Variants in GRIK3 observed in about 807,000 individuals in gnomAD.
GRIK3 encodes glutamate receptor ionotropic, kainate 3.
GRIK3 carries 29 observed loss-of-function variants against 102.5 expected under a neutral mutation model. That is an observed-to-expected ratio of 0.28 (90% CI 0.21 to 0.39). The LOEUF (loss-of-function observed/expected upper bound fraction) is 0.39. GRIK3 is among the 10% of genes least tolerant of loss of function. The pLI is 1.00. For synonymous variants in GRIK3, 511 were observed against 504.9 expected, an observed-to-expected ratio of 1.01 and a Z score of -0.16; for missense variants, 908 against 1,252.4, an observed-to-expected ratio of 0.73 and a Z score of 4.15.
At chr1:36,953,076 T>G (rs1421503020) in intron 1 of GRIK3, among the ~76,000 whole-genome samples, 1 of 152,240 alleles carries the variant, frequency 6.6e-6, no homozygotes, top group African/African-American at 2.4e-5. Flanking sequence ...TGTGCTCAAG[T>G]GCCCTTTACT....
rs570125039 is a variant in GRIK3, at chr1:37,030,833, A to T, written c.115+3161T>A. ...AAAGGGAACTTTGAAACCACAGAACATACCAACCATTAAGGCCAACCAAAT... is the reference window on the plus strand; with the variant it reads ...AAAGGGAACTTTGAAACCACAGAACTTACCAACCATTAAGGCCAACCAAAT... On this transcript the variant is annotated intron_variant, in intron 1 of 15. Transcript: ENST00000373091. Among the ~76,000 whole-genome samples the T allele has an allele frequency of 3.2e-4, 48 of 152,268 alleles. 2 individuals carry two copies. The South Asian group carries it at 9.8e-3, about 31-fold the overall frequency.
At chr1:36,900,742 T>C (rs964103549) in intron 1 of GRIK3, among the ~76,000 whole-genome samples, 4 of 151,856 alleles carry the variant, frequency 2.6e-5, no homozygotes, top group African/African-American at 9.7e-5. Flanking sequence ...GAAATCAATA[T>C]AAAAATATCA....
intron 1 of GRIK3, among the ~76,000 whole-genome samples, chr1:36,903,193 A>G (rs532609384): frequency 6.6e-6 from 1 of 152,360 alleles, no homozygotes; most frequent in East Asian, 1.9e-4. Context: ...CAGAATATAT[A>G]CAGATGGAAA....
intron 1 of GRIK3, among the ~76,000 whole-genome samples, chr1:36,928,473 G>A (rs1641553124): frequency 6.6e-6 from 1 of 152,192 alleles, no homozygotes; most frequent in African/African-American, 2.4e-5. Flanking sequence ...GGTGGGGGTG[G>A]AAATTATGAT....
intron 4 of GRIK3, among the ~76,000 whole-genome samples, chr1:36,870,372 C>T (rs561024853): frequency 8.5e-5 from 13 of 152,384 alleles, no homozygotes; most frequent in South Asian, 2.1e-4. Context: ...GAATTCTTAC[C>T]GTCTGCCATC....
intron 1 of GRIK3, among the ~76,000 whole-genome samples, chr1:36,984,532 G>A (rs1440193645): frequency 6.6e-6 from 1 of 152,222 alleles, no homozygotes; most frequent in Non-Finnish European, 1.5e-5. Flanking sequence ...CAGAACTTAT[G>A]AGCTCTGGGC....
At chr1:36,944,367 A>AC (rs58866156) in intron 1 of GRIK3, among the ~76,000 whole-genome samples, 10,645 of 152,232 alleles carry the variant, frequency 0.07, 1,191 homozygotes, top group African/African-American at 0.23. Context: ...TGGCACAGGG[A>AC]ATCCCCTCAG....
At chr1:37,009,074 G>GTAATAATAATAA (rs67140478) in intron 1 of GRIK3, among the ~76,000 whole-genome samples, 20 of 149,170 alleles carry the variant, frequency 1.3e-4, no homozygotes, top group Admixed American at 9.3e-4. Flanking sequence ...AAATGGAGAT[G>GTAATAATAATAA]TAATAATAAT....
At chr1:36,832,150 C>T (rs1464489368) in intron 10 of GRIK3, among the ~76,000 whole-genome samples, 1 of 152,236 alleles carries the variant, frequency 6.6e-6, no homozygotes, top group Non-Finnish European at 1.5e-5. Context: ...ATTTTAGAGG[C>T]ATTGGCCGAT....
intron 1 of GRIK3, among the ~76,000 whole-genome samples, chr1:36,896,420 A>T (rs1318406440): frequency 9.2e-5 from 14 of 152,142 alleles, no homozygotes. Flanking sequence ...CTACTTGTGA[A>T]GCAGTATAAC....
intron 9 of GRIK3, among the ~76,000 whole-genome samples, chr1:36,842,546 C>T (rs1314683845): frequency 2.0e-5 from 3 of 152,212 alleles, no homozygotes; most frequent in Non-Finnish European, 4.4e-5. Context: ...GGATGCCGTT[C>T]TCTCTTTCCA....
In GRIK3 at chr1:36,968,873, T is replaced by C. The variant is rs568321510; in HGVS notation, c.115+65121A>G. Among the ~76,000 whole-genome samples the C allele has an allele frequency of 2.5e-4, 38 of 152,240 alleles. No homozygotes were observed. In the South Asian group the frequency reaches 7.7e-3, roughly 31 times the overall value. On this transcript the variant is annotated intron_variant, in intron 1 of 15. Coordinates refer to ENST00000373091, the MANE Select transcript of GRIK3 (RefSeq NM_000831.4). ...AGCACTCTCTACTGTTGTTTGACAA[T>C]TGACAATTTGAGCAAACAGAATGAC...
chr1:36,975,385 C>G (rs1642185688), intron 1 of GRIK3, among the ~76,000 whole-genome samples: 1 of 150,214 alleles, frequency 6.7e-6, no homozygotes, highest in African/African-American at 2.5e-5. Context: ...ACCTCCACCT[C>G]CTGGGCTTAA....
chr1:36,956,704 G>A (rs536978995), intron 1 of GRIK3, among the ~76,000 whole-genome samples: 1 of 152,318 alleles, frequency 6.6e-6, no homozygotes, highest in East Asian at 1.9e-4. Flanking sequence ...AACATTTCAG[G>A]TGAAATGAGA....
Position 36,976,375 on chromosome 1 carries a change from C to T in GRIK3, c.115+57619G>A, listed in dbSNP as rs548092867. Among the ~76,000 whole-genome samples, 222 of 148,836 alleles carry T rather than the reference C, an allele frequency of 1.5e-3. 1 individual carries two copies. Among genetic ancestry groups the T allele is most frequent in the Middle Eastern group, 0.01 (3 of 294 alleles). ...TATTATATGAATGTGCATTTTTTTT[C>T]GGGGGAAAAGCGTTTATCATTTTCA... On this transcript the variant is annotated intron_variant, in intron 1 of 15. Transcript: ENST00000373091.
intron 9 of GRIK3, among the ~76,000 whole-genome samples, chr1:36,845,437 C>T (rs1438372914): frequency 2.0e-5 from 3 of 152,174 alleles, no homozygotes; most frequent in Non-Finnish European, 2.9e-5. Flanking sequence ...GGTTTCTCTC[C>T]GATCACTTAC....
At chr1:36,927,975 G>A (rs183097595) in intron 1 of GRIK3, among the ~76,000 whole-genome samples, 2 of 152,314 alleles carry the variant, frequency 1.3e-5, no homozygotes, top group East Asian at 3.9e-4. Context: ...AGCAGAGGTG[G>A]GGGGTACCAG....
At position 36,819,843 on chromosome 1, in the gene GRIK3, TA is replaced by T; in HGVS notation, c.1765del (p.Tyr589MetfsTer33). The T allele has an allele frequency of 6.4e-7, 1 of 1,557,778 alleles. No homozygotes were observed. The highest frequency in any genetic ancestry group is 8.8e-7 in the Non-Finnish European group (1 of 1,140,902). On this transcript the variant is annotated frameshift_variant, in exon 12 of 16. Transcript: ENST00000373091. LOFTEE classifies it high-confidence loss of function. The surrounding 1 kb of genome is among the most constrained non-coding windows in gnomAD (Gnocchi z 4.1). ...VLFVIARFSP[Y>X]EWYDAHPCNP... is the part of the protein sequence containing the mutation. ...GCAGGGGTGAGCATCGTACCACTCATAAGGGCTGAACCTGCCACAGGAGGAG... is the reference window on the plus strand; with the variant it reads ...GCAGGGGTGAGCATCGTACCACTCATAGGGCTGAACCTGCCACAGGAGGAG...
intron 1 of GRIK3, among the ~76,000 whole-genome samples, chr1:37,025,200 A>C (rs971401708): frequency 9.9e-5 from 15 of 152,176 alleles, no homozygotes; most frequent in Admixed American, 7.9e-4. Context: ...ACAATTGGTG[A>C]GCTTCCCATT....
Sources: allele counts gnomAD v4.1 joint callset (sites outside exome capture counted in the v4.1 genomes callset), GRCh38; gene constraint gnomAD v4.1.1; non-coding constraint Gnocchi (gnomAD v3.1); transcripts MANE v1.5; gene names NCBI Gene and HGNC (gene_info 2026-07-23, HGNC 2026-07-21).